Variants in MPDZ observed in about 807,000 individuals in gnomAD.
MPDZ encodes multiple PDZ domain protein.
In MPDZ, 234 loss-of-function variants were observed where a neutral mutation model predicts 239.1. The ratio of observed to expected loss-of-function variants is 0.98; its 90% confidence interval spans 0.88 to 1.09. The LOEUF is 1.09. MPDZ is among the 50% of genes least tolerant of loss of function. The probability of loss-of-function intolerance (pLI) is 0.00; values close to 1 mark genes in which losing one functional copy is unlikely to be tolerated. For synonymous variants in MPDZ, 1,048 were observed against 881.3 expected (o/e 1.19, Z -3.35); for missense variants, 3,175 against 2,510.0 (o/e 1.26, Z -5.66).
chr9:13,270,118 T>C (rs1433967012), intron 1 of MPDZ, among the ~76,000 whole-genome samples: 1 of 152,210 alleles, frequency 6.6e-6, no homozygotes, highest in East Asian at 1.9e-4. Flanking sequence ...AATTAACTCA[T>C]CTACTATTTA....
At chr9:13,223,784 C>G (rs2136359408) in intron 4 of MPDZ, 74 bp from the exon 5 acceptor site, 3 of 1,459,208 alleles carry the variant, frequency 2.1e-6, no homozygotes, top group Middle Eastern at 3.8e-4. Flanking sequence ...GTAATCCCAG[C>G]ACTTTGGGAG....
intron 27 of MPDZ, among the ~76,000 whole-genome samples, chr9:13,141,099 A>G (rs866704411): frequency 1.8e-4 from 9 of 50,192 alleles, no homozygotes; most frequent in Middle Eastern, 0.014. Context: ...CCTATTTCGA[A>G]AAAAAAAAAA....
chr9:13,135,146 A>G (rs1461517188), intron 31 of MPDZ: 3 of 152,180 alleles, frequency 2.0e-5, no homozygotes, highest in Non-Finnish European at 4.4e-5. Flanking sequence ...AATGTACCAT[A>G]TTTTTGCAAA....
intron 1 of MPDZ, among the ~76,000 whole-genome samples, chr9:13,265,787 G>A (rs1971663213): frequency 6.6e-6 from 1 of 152,126 alleles, no homozygotes. Context: ...TAGGTGGCTT[G>A]TCAGTTGTGA....
intron 28 of MPDZ, among the ~76,000 whole-genome samples, chr9:13,139,626 CAA>C (rs141589714): frequency 0.014 from 2,167 of 152,274 alleles, 51 homozygotes; most frequent in South Asian, 0.093. Flanking sequence ...GTGATATCAA[CAA>C]CCAGAATATC....
rs573984841 is a variant in MPDZ at position 13,235,623 on chromosome 9, C to T, written c.184-11040G>A. ...ATACTTTGCAGATATTTTTAAGTAGCCTTTGACTATCATTTGCTGATAAAT... is the reference window on the plus strand; with the variant it reads ...ATACTTTGCAGATATTTTTAAGTAGTCTTTGACTATCATTTGCTGATAAAT... On this transcript the variant is annotated intron_variant, in intron 3 of 46. Transcript: ENST00000319217. Among the ~76,000 whole-genome samples the T allele has an allele frequency of 1.9e-4, 29 of 152,212 alleles. No individual in the cohort carries two copies. The South Asian group carries it at 5.6e-3, about 29-fold the overall frequency.
At chr9:13,155,643 T>A (rs1949726257) in intron 24 of MPDZ, among the ~76,000 whole-genome samples, 3 of 152,216 alleles carry the variant, frequency 2.0e-5, no homozygotes. Flanking sequence ...GCCCATTTTA[T>A]AATCTTAAAA....
rs148685869 is a variant in MPDZ, at chr9:13,275,080, A to G, written c.-58+4320T>C. The stretch of plus-strand genomic sequence containing the variant: ...TCCCTTTCTTGCCAAACATCAAATT[A>G]CCCCAGTAATGCTCAGACTATGCAC... On this transcript the variant is annotated intron_variant, in intron 1 of 46. Coordinates refer to ENST00000319217, the MANE Select transcript of MPDZ (RefSeq NM_001378778.1). 3.6e-3 allele frequency among the ~76,000 whole-genome samples: 547 copies of G among 152,270 alleles called. 3 individuals are homozygous for G. The highest frequency in any genetic ancestry group is 8.3e-3 in the Admixed American group (127 of 15,300).
At chr9:13,217,157 G>T (rs1958450163) in intron 9 of MPDZ, 23 bp downstream of exon 9, 1 of 1,391,922 alleles carries the variant, frequency 7.2e-7, no homozygotes, top group African/African-American at 1.4e-5. Context: ...AAGTTTAAAA[G>T]AATACTTAAT....
At chr9:13,125,727 T>C (rs1344757942) in intron 34 of MPDZ, among the ~76,000 whole-genome samples, 1 of 152,178 alleles carries the variant, frequency 6.6e-6, no homozygotes, top group Non-Finnish European at 1.5e-5. Context: ...ATATGGGTTA[T>C]TTTACCTACT....
chr9:13,247,931 A>T (rs1966852044), intron 2 of MPDZ, 130 bp from the exon 3 acceptor site: 1 of 907,154 alleles, frequency 1.1e-6, no homozygotes, highest in East Asian at 2.5e-5. Flanking sequence ...TTTAAATTGA[A>T]TAAAAAAACA....
At position 13,123,197 on chromosome 9, in the gene MPDZ, T is replaced by TG; in HGVS notation, c.4908_4909insC (p.Thr1637HisfsTer22). 6.2e-7 allele frequency: 1 copy of TG among 1,613,240 alleles called. No homozygotes were observed. Among genetic ancestry groups the TG allele is most frequent in the South Asian group, 1.1e-5 (1 of 91,016 alleles). The stretch of plus-strand genomic sequence containing the variant: ...CCAACGATGCTCAGGCCCAGCCCTG[T>TG]TCGCCCTTTGGAAATCTCGATGGTT... On this transcript the variant is annotated frameshift_variant, in exon 36 of 47. Transcript: ENST00000319217. LOFTEE classifies it high-confidence loss of function.
At chr9:13,175,594 T>C (rs1952362179) in intron 21 of MPDZ, among the ~76,000 whole-genome samples, 158 bp downstream of exon 21, 1 of 152,098 alleles carries the variant, frequency 6.6e-6, no homozygotes, top group Non-Finnish European at 1.5e-5. Context: ...GTAAACCATT[T>C]CAAAAAAATA....
chr9:13,190,391 G>T, intron 15 of MPDZ, 92 bp from the exon 16 acceptor site: 2 of 1,137,252 alleles, frequency 1.8e-6, no homozygotes, highest in Non-Finnish European at 2.3e-6. Flanking sequence ...CCCAGCATCT[G>T]TCCAAACAAA....
chr9:13,121,613 G>A (rs1374232328), intron 38 of MPDZ, 126 bp downstream of exon 38: 2 of 918,814 alleles, frequency 2.2e-6, no homozygotes, highest in South Asian at 1.6e-5. Flanking sequence ...TAGTGAGGGG[G>A]CTAACAACAG....
At position 13,175,779 on chromosome 9, in the gene MPDZ, TA is replaced by T; in HGVS notation, c.3027del (p.Asn1010IlefsTer2). On this transcript the variant is annotated frameshift_variant, in exon 21 of 47. Coordinates refer to ENST00000319217, the MANE Select transcript of MPDZ (RefSeq NM_001378778.1). LOFTEE classifies it high-confidence loss of function. Reference sequence around the variant, plus strand: ...AGGCTAGAATTGCCTTTTGCTATATTAATAGTCCTTTCAAAAGATTCTTTAG... The same window carrying T: ...AGGCTAGAATTGCCTTTTGCTATATTATAGTCCTTTCAAAAGATTCTTTAG... ...NVSKESFERT[I>X]NIAKGNSSLG... The T allele has an allele frequency of 6.4e-7, 1 of 1,571,560 alleles. No homozygotes were observed. Among genetic ancestry groups the T allele is most frequent in the African/African-American group, 1.3e-5 (1 of 74,376 alleles).
chr9:13,235,446 T>C (rs1963692537), intron 3 of MPDZ, among the ~76,000 whole-genome samples: 1 of 152,176 alleles, frequency 6.6e-6, no homozygotes, highest in South Asian at 2.1e-4. Flanking sequence ...GTAATTAAAG[T>C]GACAAAATGC....
At chr9:13,235,313 G>A (rs1588011992) in intron 3 of MPDZ, among the ~76,000 whole-genome samples, 1 of 152,044 alleles carries the variant, frequency 6.6e-6, no homozygotes, top group Non-Finnish European at 1.5e-5. Flanking sequence ...TTATAAGAAG[G>A]GAAAACAATA....
Position 13,170,367 on chromosome 9 carries a change from A to C in MPDZ, c.3056-1803T>G, listed in dbSNP as rs775868011. ...TACTTACTGTTTTCTGATAGAAATA[A>C]AACATTTTTAAATGTACTTAAAATA... On this transcript the variant is annotated intron_variant, in intron 21 of 46. Coordinates refer to ENST00000319217, the MANE Select transcript of MPDZ (RefSeq NM_001378778.1). 2.6e-5 allele frequency among the ~76,000 whole-genome samples: 4 copies of C among 152,174 alleles called. No individual in the cohort carries two copies. In the East Asian group the frequency reaches 7.7e-4, roughly 29 times the overall value.
Sources: gnomAD v4.1 joint callset for allele counts (sites outside exome capture counted in the v4.1 genomes callset) on GRCh38, gnomAD v4.1.1 for gene constraint, MANE v1.5 for transcripts, NCBI Gene and HGNC (gene_info 2026-07-23, HGNC 2026-07-21) for gene names.